Variants in NRG3 observed in about 807,000 individuals in gnomAD.
NRG3 encodes the protein neuregulin 3.
In NRG3, 31 loss-of-function variants were observed where a neutral mutation model predicts 66.9. The observed-to-expected ratio is 0.46, with a 90% confidence interval of 0.35 to 0.63. NRG3 has a LOEUF of 0.63. NRG3 is among the 20% of genes least tolerant of loss of function. The pLI, the probability that NRG3 is intolerant of heterozygous loss-of-function variation, is 0.00. For synonymous variants in NRG3, 393 were observed against 359.4 expected, an observed-to-expected ratio of 1.09 and a Z score of -1.06; for missense variants, 910 against 878.9, an observed-to-expected ratio of 1.04 and a Z score of -0.45.
chr10:82,818,624 CTTT>C (rs2061817061), intron 3 of NRG3, among the ~76,000 whole-genome samples: 1 of 151,960 alleles, frequency 6.6e-6, no homozygotes, highest in Admixed American at 6.6e-5. Flanking sequence ...GTGGGGGAGT[CTTT>C]CTTTTTTTTC....
At chr10:82,175,827 C>G (rs1402778235) in intron 1 of NRG3, among the ~76,000 whole-genome samples, 1 of 152,154 alleles carries the variant, frequency 6.6e-6, no homozygotes, top group East Asian at 1.9e-4. Context: ...TAGACGGATA[C>G]TATTTATTGC....
chr10:82,666,592 A>G (rs1321068414), intron 2 of NRG3, among the ~76,000 whole-genome samples: 4 of 152,268 alleles, frequency 2.6e-5, no homozygotes, highest in African/African-American at 9.6e-5. Context: ...ACCATAGCCC[A>G]AGTTACCATT....
chr10:82,867,258 A>G (rs1201252965), intron 4 of NRG3, among the ~76,000 whole-genome samples: 1 of 152,202 alleles, frequency 6.6e-6, no homozygotes, highest in Non-Finnish European at 1.5e-5. Flanking sequence ...TGGTTTCAAT[A>G]TTACGTAGGT....
At chr10:82,163,921 A>ATTT (rs202076612) in intron 1 of NRG3, among the ~76,000 whole-genome samples, 3 of 142,646 alleles carry the variant, frequency 2.1e-5, no homozygotes, top group Non-Finnish European at 1.5e-5. Flanking sequence ...TCTCTCTTAA[A>ATTT]ATTTTTTTTT....
chr10:82,919,056 G>A (rs913799931), intron 4 of NRG3, among the ~76,000 whole-genome samples: 10 of 139,320 alleles, frequency 7.2e-5, no homozygotes, highest in African/African-American at 2.2e-4. Flanking sequence ...AGCTGAATAG[G>A]GGTGGAGTGT....
intron 2 of NRG3, among the ~76,000 whole-genome samples, chr10:82,735,685 C>T (rs2058120313): frequency 6.6e-6 from 1 of 152,026 alleles, no homozygotes; most frequent in Non-Finnish European, 1.5e-5. Context: ...CATTATCACT[C>T]ATAAGTGGGA....
chr10:82,032,134 A>T (rs78064474), intron 1 of NRG3, among the ~76,000 whole-genome samples: 6,513 of 150,724 alleles, frequency 0.043, 471 homozygotes, highest in African/African-American at 0.15. Flanking sequence ...TTTTATTTCC[A>T]ATCACTGTTT....
At chr10:82,455,310 A>C (rs1395226977) in intron 2 of NRG3, among the ~76,000 whole-genome samples, 2 of 152,216 alleles carry the variant, frequency 1.3e-5, no homozygotes, top group Non-Finnish European at 2.9e-5. Context: ...TTGCAAACCT[A>C]GGCTATATTG....
At chr10:82,795,045 G>C (rs561292572) in intron 3 of NRG3, among the ~76,000 whole-genome samples, 1 of 152,122 alleles carries the variant, frequency 6.6e-6, no homozygotes, top group Non-Finnish European at 1.5e-5. Flanking sequence ...TAAAACTCAC[G>C]TATAAAAATA....
intron 2 of NRG3, among the ~76,000 whole-genome samples, chr10:82,656,647 C>G (rs1177425624): frequency 6.6e-6 from 1 of 152,060 alleles, no homozygotes; most frequent in Non-Finnish European, 1.5e-5. Flanking sequence ...AGGTCTAAGC[C>G]TCTGTCTTTG....
chr10:82,335,385 C>G (rs74801724), intron 1 of NRG3, among the ~76,000 whole-genome samples: 7 of 151,992 alleles, frequency 4.6e-5, no homozygotes, highest in Non-Finnish European at 1.0e-4. Flanking sequence ...TCCTACTAAA[C>G]GAGGTAATGT....
At chr10:81,985,282 A>G (rs1445562387) in intron 1 of NRG3, among the ~76,000 whole-genome samples, 1 of 152,200 alleles carries the variant, frequency 6.6e-6, no homozygotes, top group African/African-American at 2.4e-5. Context: ...CATATCCAAT[A>G]TGCTTTACCA....
chr10:82,510,677 A>C (rs2132439302), intron 2 of NRG3, among the ~76,000 whole-genome samples: 1 of 152,330 alleles, frequency 6.6e-6, no homozygotes, highest in African/African-American at 2.4e-5. Flanking sequence ...TATAAGATGA[A>C]GTAGGCTAAG....
At chr10:82,390,593 A>T (rs2086293311) in intron 2 of NRG3, among the ~76,000 whole-genome samples, 1 of 152,176 alleles carries the variant, frequency 6.6e-6, no homozygotes. Context: ...ACTTTCAAAA[A>T]TGTGTAGTTT....
intron 1 of NRG3, among the ~76,000 whole-genome samples, chr10:81,912,966 A>G (rs755175049): frequency 6.6e-6 from 1 of 152,248 alleles, no homozygotes; most frequent in African/African-American, 2.4e-5. Flanking sequence ...GAGCCTGGCC[A>G]CTGGAGTCAA....
intron 1 of NRG3, among the ~76,000 whole-genome samples, chr10:82,333,617 G>T (rs977594486): frequency 6.6e-6 from 1 of 152,118 alleles, no homozygotes; most frequent in African/African-American, 2.4e-5. Context: ...TTATATCATT[G>T]ATGGGATTGT....
At chr10:82,233,170 C>G (rs1344074109) in intron 1 of NRG3, among the ~76,000 whole-genome samples, 1 of 152,150 alleles carries the variant, frequency 6.6e-6, no homozygotes, top group Admixed American at 6.5e-5. Flanking sequence ...CAAGACCATC[C>G]TGGCTAACAC....
Position 82,967,635 on chromosome 10 carries a change from A to G in NRG3, c.1285-6153A>G, listed in dbSNP as rs112023541. 8.1e-3 allele frequency among the ~76,000 whole-genome samples: 1,229 copies of G among 152,312 alleles called. 22 individuals are homozygous for G. The highest frequency in any genetic ancestry group is 0.029 in the African/African-American group (1,188 of 41,566). The stretch of plus-strand genomic sequence containing the variant: ...CTCTCTTACGTGAGACGGAAAGGCT[A>G]CAGGGAGCAGGAATTGGGGAAGTGC... On this transcript the variant is annotated intron_variant, in intron 6 of 8. Transcript: ENST00000372141.
chr10:82,487,908 A>G (rs1185745058), intron 2 of NRG3, among the ~76,000 whole-genome samples: 1 of 152,218 alleles, frequency 6.6e-6, no homozygotes, highest in Non-Finnish European at 1.5e-5. Flanking sequence ...GCTTACAATG[A>G]TTAAAGACCA....
Sources: allele counts gnomAD v4.1 joint callset (sites outside exome capture counted in the v4.1 genomes callset), GRCh38; gene constraint gnomAD v4.1.1; transcripts MANE v1.5; gene names NCBI Gene and HGNC (gene_info 2026-07-23, HGNC 2026-07-21).